The following PREX2 variants were observed in gnomAD, a reference collection of about 807,000 sequenced individuals.
PREX2 encodes the protein phosphatidylinositol 3,4,5-trisphosphate-dependent Rac exchanger 2 protein.
A neutral mutation model predicts 203.2 loss-of-function variants in PREX2; 107 were observed. The ratio of observed to expected loss-of-function variants is 0.53; its 90% CI spans 0.45 to 0.62. The LOEUF (loss-of-function observed/expected upper bound fraction) is 0.62, where lower values mean the gene tolerates loss of function less well. Ranked by LOEUF, PREX2 falls within the 20% of genes least tolerant of loss-of-function variation. The probability of loss-of-function intolerance (pLI) is 0.00; values close to 1 mark genes in which losing one functional copy is unlikely to be tolerated. For synonymous variants in PREX2, 672 were observed against 663.6 expected (o/e 1.01, Z -0.19); for missense variants, 1,777 against 1,955.9 (o/e 0.91, Z 1.72).
intron 35 of PREX2, among the ~76,000 whole-genome samples, chr8:68,182,373 C>T (rs1486279299): frequency 1.3e-5 from 2 of 152,066 alleles, no homozygotes; most frequent in Non-Finnish European, 2.9e-5. Flanking sequence ...CTATAGTTGT[C>T]TCTCACTGAA....
chr8:68,123,646 A>C (rs1810823799), intron 30 of PREX2, among the ~76,000 whole-genome samples: 2 of 152,032 alleles, frequency 1.3e-5, no homozygotes, highest in South Asian at 4.1e-4. Flanking sequence ...ATGCACATAA[A>C]CTACAAAATC....
chr8:68,110,973 A>AT (rs749496175), intron 25 of PREX2: 4 of 422,242 alleles, frequency 9.5e-6, no homozygotes, highest in South Asian at 3.5e-5. Context: ...AAAGGAGAGT[A>AT]TTTTTTTAAG....
rs1430480261 is a variant in PREX2, at chr8:68,134,073, C to T, written c.3781C>T (p.Leu1261Phe). 6.2e-6 allele frequency: 10 copies of T among 1,613,750 alleles called. No homozygotes were observed. The highest frequency in any genetic ancestry group is 2.2e-5 in the East Asian group (1 of 44,874). ...TTTGATCACAGATAGTGAGACACAG[C>T]TCCGTAGAGACATGGTTTTCTGCCA... ...LLEYSDSETQ[L>F]RRDMVFCQTL... is the part of the protein sequence containing the mutation. Residue 1261 changes from leucine (L) to phenylalanine (F), a missense_variant, in exon 32 of 40, where the codon CTC becomes TTC. Transcript: ENST00000288368.
At chr8:68,047,504 TATACAC>T (rs1205230958) in intron 8 of PREX2, among the ~76,000 whole-genome samples, 830 of 45,816 alleles carry the variant, frequency 0.018, 19 homozygotes, top group African/African-American at 0.13. Context: ...TATATATATA[TATACAC>T]ATACATATAT....
At chr8:68,167,268 A>G (rs1048142071) in intron 35 of PREX2, among the ~76,000 whole-genome samples, 7 of 151,644 alleles carry the variant, frequency 4.6e-5, no homozygotes, top group Admixed American at 4.6e-4. Context: ...ATCTTTCATG[A>G]CTTGGCCCAA....
Position 68,177,792 on chromosome 8 carries a change from C to T in PREX2, c.4347-13930C>T, listed in dbSNP as rs533531274. Among the ~76,000 whole-genome samples the T allele has an allele frequency of 2.6e-5, 4 of 152,154 alleles. No individual in the cohort carries two copies. In the South Asian group the frequency reaches 8.3e-4, roughly 31 times the overall value. ...CTTCCTGCTGTTCTCCCTCCCACAA[C>T]ACCATACAACAGGCTCCAATGTGTG... is the stretch of plus-strand genomic sequence containing the variant. On this transcript the variant is annotated intron_variant, in intron 35 of 39. Coordinates refer to ENST00000288368, the MANE Select transcript of PREX2 (RefSeq NM_024870.4).
intron 1 of PREX2, among the ~76,000 whole-genome samples, chr8:67,981,730 TGA>T (rs1034272317): frequency 2.0e-5 from 3 of 152,220 alleles, no homozygotes; most frequent in African/African-American, 7.2e-5. Flanking sequence ...CAGATACTCT[TGA>T]TATCCTTAAA....
chr8:68,114,415 C>T (rs1046469017), intron 25 of PREX2: 2 of 439,824 alleles, frequency 4.5e-6, no homozygotes, highest in African/African-American at 2.0e-5. Context: ...TTAGTAAATG[C>T]GAAGATGGCT....
chr8:68,140,559 T>C (rs1473786020), intron 33 of PREX2, among the ~76,000 whole-genome samples: 1 of 152,178 alleles, frequency 6.6e-6, no homozygotes, highest in African/African-American at 2.4e-5. Context: ...ATCACTGGGA[T>C]GGAGACTAGT....
chr8:68,185,036 C>G (rs1812162125), intron 35 of PREX2, among the ~76,000 whole-genome samples: 1 of 152,156 alleles, frequency 6.6e-6, no homozygotes, highest in African/African-American at 2.4e-5. Context: ...GACTCCTTTA[C>G]TCTGTCTCAC....
chr8:68,039,339 A>G (rs1230925677), intron 7 of PREX2, among the ~76,000 whole-genome samples: 1 of 152,092 alleles, frequency 6.6e-6, no homozygotes, highest in African/African-American at 2.4e-5. Context: ...TTGTTTTTGT[A>G]GCAGCCTGTA....
intron 11 of PREX2, among the ~76,000 whole-genome samples, chr8:68,067,637 G>A (rs1242920460): frequency 3.3e-5 from 5 of 151,752 alleles, no homozygotes; most frequent in African/African-American, 9.7e-5. Context: ...AAGTTATATG[G>A]TTTTCTATAT....
chr8:68,156,853 C>G (rs949653890), intron 34 of PREX2, among the ~76,000 whole-genome samples: 1 of 152,154 alleles, frequency 6.6e-6, no homozygotes, highest in African/African-American at 2.4e-5. Flanking sequence ...GACACTGTTA[C>G]AAGTAGAGGT....
chr8:68,014,132 T>A (rs975091848), intron 1 of PREX2, among the ~76,000 whole-genome samples: 3 of 152,208 alleles, frequency 2.0e-5, no homozygotes, highest in Non-Finnish European at 2.9e-5. Flanking sequence ...ACAGCATAAA[T>A]GGGCAGACAC....
intron 21 of PREX2, among the ~76,000 whole-genome samples, chr8:68,094,477 C>T (rs1809995043): frequency 6.6e-6 from 1 of 152,154 alleles, no homozygotes; most frequent in Non-Finnish European, 1.5e-5. Flanking sequence ...CCAAGGGCGA[C>T]AGAGGCAATT....
At chr8:68,100,085 A>G in intron 23 of PREX2, 1 of 623,334 alleles carries the variant, frequency 1.6e-6, no homozygotes, top group Non-Finnish European at 3.0e-6. Flanking sequence ...CTGAGGCCTA[A>G]AGAATTAAAT....
rs567574565 is a variant in PREX2, at chr8:68,198,921, TG to T, written c.4604+6397del. Among the ~76,000 whole-genome samples the T allele has an allele frequency of 9.2e-5, 14 of 152,348 alleles. No individual in the cohort carries two copies. In the East Asian group the frequency reaches 2.5e-3, roughly 27 times the overall value. On this transcript the variant is annotated intron_variant, in intron 37 of 39. Coordinates refer to ENST00000288368, the MANE Select transcript of PREX2 (RefSeq NM_024870.4). ...TGGCCATGTGGGAAGGTGGGTGACTTGAGTGCAGGCCTCATGCTCTGAATAG... is the reference window on the plus strand; with the variant it reads ...TGGCCATGTGGGAAGGTGGGTGACTTAGTGCAGGCCTCATGCTCTGAATAG...
chr8:68,148,139 C>T (rs147700315), intron 34 of PREX2, among the ~76,000 whole-genome samples: 13 of 151,996 alleles, frequency 8.6e-5, no homozygotes, highest in South Asian at 4.2e-4. Context: ...CCCAGCTACT[C>T]GGGAGGCTGA....
intron 1 of PREX2, among the ~76,000 whole-genome samples, chr8:68,006,650 TAC>T (rs2129609873): frequency 6.6e-6 from 1 of 152,280 alleles, no homozygotes; most frequent in South Asian, 2.1e-4. Flanking sequence ...GATTTCAATT[TAC>T]CATGACCTTT....
Sources: gnomAD v4.1 joint callset for allele counts (sites outside exome capture counted in the v4.1 genomes callset) on GRCh38, gnomAD v4.1.1 for gene constraint, MANE v1.5 for transcripts, NCBI Gene and HGNC (gene_info 2026-07-23, HGNC 2026-07-21) for gene names.